The following NBEA variants were observed in gnomAD, a reference collection of about 807,000 sequenced individuals.
NBEA encodes neurobeachin.
Under a neutral mutation model 343.4 loss-of-function variants are expected in NBEA, and 44 were observed. That is an observed-to-expected ratio of 0.13 (90% confidence interval 0.10 to 0.16). The LOEUF is 0.16. Among genes scored for constraint, NBEA ranks in the 10% least tolerant of loss-of-function variants. NBEA has a pLI of 1.00. For synonymous variants in NBEA, 1,175 were observed against 1,238.7 expected, an observed-to-expected ratio of 0.95 and a Z score of 1.08; for missense variants, 2,555 against 3,631.3, an observed-to-expected ratio of 0.70 and a Z score of 7.62.
intron 30 of NBEA, among the ~76,000 whole-genome samples, chr13:35,194,271 A>G (rs2072418452): frequency 6.6e-6 from 1 of 152,068 alleles, no homozygotes; most frequent in South Asian, 2.1e-4. Context: ...GATCACACCC[A>G]ACAATTCTAT....
intron 10 of NBEA, among the ~76,000 whole-genome samples, chr13:35,088,656 AC>A (rs2064900945): frequency 6.6e-6 from 1 of 152,016 alleles, no homozygotes; most frequent in South Asian, 2.1e-4. Context: ...TAGTATACAA[AC>A]TTTTTTTAAA....
Position 35,472,513 on chromosome 13 carries a change from G to A in NBEA, c.6562G>A (p.Ala2188Thr), listed in dbSNP as rs1384300249. The change falls in exon 41 of 59, where the codon GCC becomes ACC. Residue 2188 changes from alanine (A) to threonine (T), a missense_variant. Transcript: ENST00000379939. ...CTTCGAGGTAGATGAGGATGATTCT[G>A]CCTTCAAGAAGATCGACACGAAAGT... is the stretch of plus-strand genomic sequence containing the variant. The part of the protein sequence containing the change: ...IYFEVDEDDS[A>T]FKKIDTKVLA... 6.2e-7 allele frequency: 1 copy of A among 1,613,852 alleles called. No homozygotes were observed. Among genetic ancestry groups the A allele is most frequent in the Non-Finnish European group, 8.5e-7 (1 of 1,179,894 alleles).
intron 48 of NBEA, among the ~76,000 whole-genome samples, chr13:35,626,675 A>G (rs540168182): frequency 6.6e-6 from 1 of 152,274 alleles, no homozygotes; most frequent in African/African-American, 2.4e-5. Context: ...TTAGACTGAC[A>G]TTTTTTCTTA....
chr13:35,415,999 G>A, intron 38 of NBEA, among the ~76,000 whole-genome samples: 1 of 152,128 alleles, frequency 6.6e-6, no homozygotes, highest in East Asian at 1.9e-4. Context: ...TGAAGCAATT[G>A]TGAATGGGAG....
intron 38 of NBEA, among the ~76,000 whole-genome samples, chr13:35,372,582 A>G (rs601848): frequency 6.6e-6 from 1 of 151,972 alleles, no homozygotes; most frequent in Non-Finnish European, 1.5e-5. Flanking sequence ...CAACAACTGC[A>G]CTGTGGCCTT....
At chr13:35,193,857 C>T (rs1284814359) in intron 30 of NBEA, among the ~76,000 whole-genome samples, 1 of 151,734 alleles carries the variant, frequency 6.6e-6, no homozygotes, top group Non-Finnish European at 1.5e-5. Flanking sequence ...ATCTATTCAA[C>T]AAATATGAGG....
At chr13:34,975,899 C>T (rs1028540616) in intron 1 of NBEA, among the ~76,000 whole-genome samples, 4 of 152,072 alleles carry the variant, frequency 2.6e-5, no homozygotes, top group African/African-American at 9.7e-5. Context: ...GCAAGAATGG[C>T]CATATCAAAA....
chr13:35,015,712 A>G (rs890090147), intron 1 of NBEA, among the ~76,000 whole-genome samples: 1 of 152,108 alleles, frequency 6.6e-6, no homozygotes, highest in African/African-American at 2.4e-5. Context: ...AAAATATTTT[A>G]GTATATATTT....
intron 38 of NBEA, among the ~76,000 whole-genome samples, chr13:35,371,238 A>G (rs1316382912): frequency 6.6e-6 from 1 of 152,020 alleles, no homozygotes; most frequent in Admixed American, 6.6e-5. Context: ...ATCTTCAGTG[A>G]CACTAAAAAT....
intron 1 of NBEA, among the ~76,000 whole-genome samples, chr13:34,995,553 G>C (rs535040813): frequency 1.3e-5 from 2 of 152,246 alleles, no homozygotes; most frequent in East Asian, 3.9e-4. Flanking sequence ...AACTAGAACA[G>C]GTTCCAAGAA....
chr13:35,408,451 G>A (rs2043397190), intron 38 of NBEA, among the ~76,000 whole-genome samples: 1 of 152,162 alleles, frequency 6.6e-6, no homozygotes, highest in Non-Finnish European at 1.5e-5. Flanking sequence ...GTAGGCATGG[G>A]CAAAGATTTC....
chr13:35,473,017 T>C (rs757405804), intron 41 of NBEA, among the ~76,000 whole-genome samples: 2 of 152,216 alleles, frequency 1.3e-5, no homozygotes, highest in Non-Finnish European at 2.9e-5. Flanking sequence ...GAAATAAGAA[T>C]GGGTTTTATA....
intron 40 of NBEA, among the ~76,000 whole-genome samples, chr13:35,469,099 C>CA (rs34222156): frequency 0.18 from 14,874 of 84,980 alleles, 2,190 homozygotes; most frequent in African/African-American, 0.33. Flanking sequence ...GACTCTATCT[C>CA]AAAAAAAAAA....
intron 1 of NBEA, among the ~76,000 whole-genome samples, chr13:35,026,029 G>A (rs569188051): frequency 1.6e-4 from 24 of 151,884 alleles, no homozygotes; most frequent in Admixed American, 1.4e-3. Context: ...ACCTTGAATT[G>A]TAATAATCTC....
At chr13:35,210,338 G>T (rs1042197995) in intron 32 of NBEA, among the ~76,000 whole-genome samples, 2 of 151,774 alleles carry the variant, frequency 1.3e-5, no homozygotes, top group South Asian at 4.1e-4. Flanking sequence ...TAAAGACTGG[G>T]CATACTGTTC....
At chr13:35,522,061 C>T (rs774544206) in intron 41 of NBEA, among the ~76,000 whole-genome samples, 36 of 152,016 alleles carry the variant, frequency 2.4e-4, no homozygotes, top group Non-Finnish European at 5.0e-4. Context: ...AGAGGCGAAC[C>T]ACTTCTGAGA....
chr13:35,158,947 T>A, intron 21 of NBEA, 69 bp from the exon 22 acceptor site: 6 of 1,288,792 alleles, frequency 4.7e-6, no homozygotes, highest in Non-Finnish European at 6.3e-6. Context: ...ACAATTTAAT[T>A]TGTATTATTT....
intron 36 of NBEA, among the ~76,000 whole-genome samples, chr13:35,337,605 A>T (rs1450037325): frequency 6.6e-6 from 1 of 152,120 alleles, no homozygotes; most frequent in African/African-American, 2.4e-5. Context: ...CTAGACTGAA[A>T]CAACAGTATA....
chr13:35,518,369 C>T (rs138318915), intron 41 of NBEA, among the ~76,000 whole-genome samples: 2 of 152,252 alleles, frequency 1.3e-5, no homozygotes, highest in East Asian at 1.9e-4. Context: ...AATATGGAAG[C>T]AGACTCTGAG....
Sources: allele counts gnomAD v4.1 joint callset (sites outside exome capture counted in the v4.1 genomes callset), GRCh38; gene constraint gnomAD v4.1.1; transcripts MANE v1.5; gene names NCBI Gene and HGNC (gene_info 2026-07-23, HGNC 2026-07-21).